CENPU: variants seen among roughly 807,000 people sequenced by gnomAD.
CENPU encodes the protein centromere protein U.
A neutral mutation model predicts 56.7 loss-of-function variants in CENPU; 46 were observed. The ratio of observed to expected loss-of-function variants is 0.81; its 90% CI spans 0.64 to 1.04. The LOEUF (loss-of-function observed/expected upper bound fraction) is 1.04. Ranked by LOEUF, CENPU falls within the 50% of genes least tolerant of loss-of-function variation. The pLI is 0.00. For missense variants in CENPU, 510 were observed against 490.1 expected (o/e 1.04, Z -0.38); for synonymous variants, 166 against 163.0 (o/e 1.02, Z -0.14).
chr4:184,730,278 C>A (rs992189330), intron 2 of CENPU, among the ~76,000 whole-genome samples: 2 of 152,094 alleles, frequency 1.3e-5, no homozygotes, highest in African/African-American at 4.8e-5. Context: ...GGGAGCAGAG[C>A]GCTGAGCAAA....
intron 3 of CENPU, among the ~76,000 whole-genome samples, chr4:184,725,848 A>T (rs890596505): frequency 1.3e-5 from 2 of 152,342 alleles, no homozygotes; most frequent in South Asian, 4.1e-4. Flanking sequence ...GGAAAGGCAC[A>T]GAAAGGAGAT....
intron 7 of CENPU, chr4:184,710,533 T>C (rs1008763971): frequency 2.4e-5 from 4 of 163,672 alleles, no homozygotes; most frequent in African/African-American, 9.5e-5. Context: ...AATTTTAATC[T>C]ATCTGATAGG....
chr4:184,709,821 C>T (rs183961723), intron 8 of CENPU, among the ~76,000 whole-genome samples: 1 of 150,346 alleles, frequency 6.7e-6, no homozygotes, highest in African/African-American at 2.4e-5. Flanking sequence ...ATCACTGGAC[C>T]ATGATCTTTG....
At chr4:184,709,808 G>T (rs1161305157) in intron 8 of CENPU, among the ~76,000 whole-genome samples, 1 of 148,514 alleles carries the variant, frequency 6.7e-6, no homozygotes, top group South Asian at 2.1e-4. Flanking sequence ...AAAAAAAAAA[G>T]GTATCACTGG....
chr4:184,714,907 GTA>G (rs1233996793), intron 6 of CENPU, among the ~76,000 whole-genome samples: 1,099 of 105,374 alleles, frequency 0.01, 15 homozygotes, highest in African/African-American at 0.043. Context: ...AAACAAAACA[GTA>G]AGTAAGGAGA....
In CENPU at chr4:184,695,317, G is replaced by T. The variant is rs368301679; in HGVS notation, c.1228C>A (p.Gln410Lys). 6.2e-7 allele frequency: 1 copy of T among 1,613,332 alleles called. No individual in the cohort carries two copies. Among genetic ancestry groups the T allele is most frequent in the Non-Finnish European group, 8.5e-7 (1 of 1,179,354 alleles). The change falls in exon 13 of 13, where the codon CAG becomes AAG. Residue 410 changes from glutamine to lysine, a missense_variant. Physicochemically the swap from Gln to Lys is moderately conservative, Grantham distance 53. Coordinates refer to ENST00000281453, the MANE Select transcript of CENPU (RefSeq NM_024629.4). ...CCCTGGTCAAGGAGCTTCTCTAACT[G>T]ATGGTTGATATTTCGCAGATGGCTT... ...AESHLRNINH[Q>K]LEKLLDQG is the part of the protein sequence containing the mutation.
At chr4:184,699,597 C>A (rs6552802) in intron 11 of CENPU, 8 of 1,288,348 alleles carry the variant, frequency 6.2e-6, no homozygotes, top group Non-Finnish European at 1.0e-6. Flanking sequence ...AGCACCTGTC[C>A]AGAGACTCAA....
Position 184,694,284 on chromosome 4 carries a change from A to G in CENPU, c.*1004T>C. 1.6e-6 allele frequency: 2 copies of G among 1,285,100 alleles called. No homozygotes were observed. Among genetic ancestry groups the G allele is most frequent in the Non-Finnish European group, 2.0e-6 (2 of 1,012,228 alleles). 79.6% of individuals were successfully genotyped at this position (1,285,100 alleles called of 1,614,324 possible). On this transcript the variant is annotated 3_prime_UTR_variant, in exon 13 of 13. Transcript: ENST00000281453. ...GGGGAGTATTGAAAAGTATGTGCAC[A>G]GAACTGTAGGTAATTTCAAATTTGG...
intron 7 of CENPU, among the ~76,000 whole-genome samples, chr4:184,711,870 C>A (rs1297482926): frequency 6.6e-6 from 1 of 152,032 alleles, no homozygotes; most frequent in Non-Finnish European, 1.5e-5. Context: ...CACCTGTAAT[C>A]CCAGCACTTT....
At chr4:184,731,100 T>G in intron 1 of CENPU, 132 bp from the exon 2 acceptor site, 2 of 670,532 alleles carry the variant, frequency 3.0e-6, no homozygotes, top group Non-Finnish European at 5.0e-6. Context: ...AATTTATTTT[T>G]TATAGGTCAA....
chr4:184,713,145 C>T (rs1760979246), intron 6 of CENPU, 132 bp from the exon 7 acceptor site: 1 of 572,496 alleles, frequency 1.7e-6, no homozygotes, highest in African/African-American at 1.9e-5. Flanking sequence ...AATCCCAGCA[C>T]TTTGGGAGGC....
chr4:184,703,893 A>C (rs1389014392), intron 8 of CENPU, among the ~76,000 whole-genome samples: 6 of 152,210 alleles, frequency 3.9e-5, no homozygotes, highest in Admixed American at 3.9e-4. Flanking sequence ...AAAAATTTCT[A>C]ATCACCTAGT....
chr4:184,722,822 C>T (rs1196789191), intron 4 of CENPU, among the ~76,000 whole-genome samples: 1 of 152,206 alleles, frequency 6.6e-6, no homozygotes, highest in East Asian at 1.9e-4. Context: ...AAACAGTTTG[C>T]AGAAAGAGAA....
chr4:184,697,780 A>G lies in CENPU; in HGVS notation c.1010T>C (p.Leu337Pro), dbSNP rs1396913600. The change falls in exon 12 of 13, where the codon CTA becomes CCA. Residue 337 changes from leucine (L) to proline (P), a missense_variant. Physicochemically the swap from Leu to Pro is moderately conservative, Grantham distance 98. Transcript: ENST00000281453. Reference sequence around the variant, plus strand: ...TTTAAGTTCATCATATTTTGTTTGTAGTTGTTTCAGCTGTGGCTCTAACCT... The same window carrying G: ...TTTAAGTTCATCATATTTTGTTTGTGGTTGTTTCAGCTGTGGCTCTAACCT... ...LLRLEPQLKQLQTKYDELKER... is the reference protein window; with the variant it reads ...LLRLEPQLKQPQTKYDELKER... 6.2e-7 allele frequency: 1 copy of G among 1,608,768 alleles called. No homozygotes were observed.
At chr4:184,731,931 C>T (rs1761663514) in intron 1 of CENPU, among the ~76,000 whole-genome samples, 2 of 109,110 alleles carry the variant, frequency 1.8e-5, no homozygotes, top group Admixed American at 1.9e-4. Flanking sequence ...TGTGCACTTC[C>T]ACCCCTAAAT....
At chr4:184,724,091 C>T (rs979077890) in intron 4 of CENPU, among the ~76,000 whole-genome samples, 3 of 151,598 alleles carry the variant, frequency 2.0e-5, no homozygotes, top group Middle Eastern at 6.8e-3. Flanking sequence ...GGTGAAACCC[C>T]GTCTCTACTA....
intron 6 of CENPU, among the ~76,000 whole-genome samples, chr4:184,714,228 T>C (rs982271180): frequency 1.3e-5 from 2 of 152,086 alleles, no homozygotes; most frequent in Non-Finnish European, 2.9e-5. Flanking sequence ...TCTGAGAGAA[T>C]TTGTCACCAG....
chr4:184,698,802 A>T (rs1760429681), intron 11 of CENPU, among the ~76,000 whole-genome samples: 1 of 152,164 alleles, frequency 6.6e-6, no homozygotes, highest in Admixed American at 6.5e-5. Context: ...CTCACTACTG[A>T]ACTGGCAGCC....
intron 5 of CENPU, among the ~76,000 whole-genome samples, chr4:184,716,925 GAA>G (rs1263647852): frequency 1.3e-5 from 2 of 152,126 alleles, no homozygotes; most frequent in Non-Finnish European, 2.9e-5. Flanking sequence ...CCTCTTTAAT[GAA>G]AAACACTTCA....
Sources: gnomAD v4.1 joint callset for allele counts (sites outside exome capture counted in the v4.1 genomes callset) on GRCh38, gnomAD v4.1.1 for gene constraint, MANE v1.5 for transcripts, NCBI Gene and HGNC (gene_info 2026-07-23, HGNC 2026-07-21) for gene names.